Variants in GLUL observed in about 807,000 individuals in gnomAD.
GLUL encodes glutamine synthetase.
In GLUL, 8 loss-of-function variants were observed where a neutral mutation model predicts 36.9. The observed-to-expected ratio is 0.22, with a 90% CI of 0.13 to 0.39. The LOEUF (loss-of-function observed/expected upper bound fraction) is 0.39. Among genes scored for constraint, GLUL ranks in the 10% least tolerant of loss-of-function variants. The probability of loss-of-function intolerance (pLI) is 1.00; values close to 1 mark genes in which losing one functional copy is unlikely to be tolerated. For synonymous variants in GLUL, 182 were observed against 172.8 expected (o/e 1.05, Z -0.42); for missense variants, 315 against 501.8 (o/e 0.63, Z 3.56).
intron 5 of GLUL, 78 bp from the exon 6 acceptor site, chr1:182,385,634 C>T (rs1571405944): frequency 1.3e-6 from 2 of 1,548,214 alleles, no homozygotes; most frequent in Non-Finnish European, 1.8e-6. Context: ...CTGTTCTCTT[C>T]TCACCTGTAC....
At position 182,382,435 on chromosome 1, in the gene GLUL, G is replaced by C. The variant is rs1234502320; in HGVS notation, c.*1970C>G. 6.6e-6 allele frequency: 1 copy of C among 152,190 alleles called. No individual in the cohort carries two copies. Among genetic ancestry groups the C allele is most frequent in the African/African-American group, 2.4e-5 (1 of 41,430 alleles). The allele number at this position is 152,190 out of a possible 1,614,324, so 9.4% of individuals were successfully genotyped here. A position where few individuals can be genotyped will look rare whatever the true frequency, so the allele number is the denominator to read the frequency against. On this transcript the variant is annotated 3_prime_UTR_variant, in exon 7 of 7. Transcript: ENST00000331872. Reference sequence around the variant, plus strand: ...ACACCCAAGGATGAGCCCATGCCTAGGGCATAGCCAGCCTTGGAAGGCTTC... The same window carrying C: ...ACACCCAAGGATGAGCCCATGCCTACGGCATAGCCAGCCTTGGAAGGCTTC...
intron 1 of GLUL, chr1:182,391,027 C>A (rs1482088925): frequency 1.3e-5 from 5 of 397,118 alleles, no homozygotes; most frequent in Non-Finnish European, 1.8e-5. Context: ...GGTGGGGGCG[C>A]AGGCCGTAGG....
In GLUL at chr1:182,386,237, C is replaced by T. The variant is rs1268589714; in HGVS notation, c.475+19G>A. 6.2e-7 allele frequency: 1 copy of T among 1,610,512 alleles called. No homozygotes were observed. The highest frequency in any genetic ancestry group is 1.1e-5 in the South Asian group (1 of 90,996). The stretch of plus-strand genomic sequence containing the variant: ...TTAGACACTTCTGGGAATTTCACCT[C>T]TAACCCAAGGAGACTTACCCTGGGG... On this transcript the variant is annotated intron_variant, in intron 4 of 6. Transcript: ENST00000331872.
In GLUL at chr1:182,385,841, G is replaced by T. The variant is rs1650155480; in HGVS notation, c.522C>A (p.Asp174Glu). ...AGGCCCGGTAATGGGCCTCCACGAT[G>T]TCCCTGCCATAGGCTCTGTCTGCTC... Reference protein sequence around the residue: ...GVGADRAYGRDIVEAHYRACL... With the variant: ...GVGADRAYGREIVEAHYRACL... Residue 174 changes from aspartate to glutamate, a missense_variant, in exon 5 of 7, where the codon GAC becomes GAA. Physicochemically the swap from Asp to Glu is conservative, Grantham distance 45. Coordinates refer to ENST00000331872, the MANE Select transcript of GLUL (RefSeq NM_001033044.4). 2 of 1,613,662 alleles carry T rather than the reference G, an allele frequency of 1.2e-6. No individual in the cohort carries two copies. Among genetic ancestry groups the T allele is most frequent in the East Asian group, 4.5e-5 (2 of 44,866 alleles).
chr1:182,387,110 C>T (rs373022393), intron 3 of GLUL, 21 bp downstream of exon 3: 5 of 1,584,282 alleles, frequency 3.2e-6, no homozygotes, highest in Non-Finnish European at 4.3e-6. Flanking sequence ...GAGGGGTATC[C>T]ATAGCTGTGC....
rs1650138651 is a variant in GLUL, at chr1:182,385,537, G to A, written c.623C>T (p.Pro208Leu). The A allele has an allele frequency of 6.2e-7, 1 of 1,613,922 alleles. No homozygotes were observed. Among genetic ancestry groups the A allele is most frequent in the Non-Finnish European group, 8.5e-7 (1 of 1,179,904 alleles). ...MPAQWEFQIG[P>L]CEGISMGDHL... is the part of the protein sequence containing the mutation. ...ATCTCCCATGCTGATTCCTTCACAA[G>A]GTCCAATCTGAAATTCCCACTAGAA... The change falls in exon 6 of 7, where the codon CCT (proline) becomes CTT (leucine). Residue 208 changes from proline (P) to leucine (L), a missense_variant. Physicochemically the swap from Pro to Leu is moderately conservative, Grantham distance 98. Coordinates refer to ENST00000331872, the MANE Select transcript of GLUL (RefSeq NM_001033044.4).
At chr1:182,385,943 G>A (rs926473427) in intron 4 of GLUL, 56 bp from the exon 5 acceptor site, 23 of 1,569,124 alleles carry the variant, frequency 1.5e-5, no homozygotes, top group Non-Finnish European at 1.8e-5. Context: ...GAATCCCAAA[G>A]TCAGAGATCA....
rs1212547835 is a variant in GLUL, at chr1:182,384,188, G to A, written c.*217C>T. The A allele has an allele frequency of 5.4e-6, 3 of 556,574 alleles. No homozygotes were observed. Among genetic ancestry groups the A allele is most frequent in the Non-Finnish European group, 6.4e-6 (2 of 311,318 alleles). 34.5% of individuals were successfully genotyped at this position (556,574 alleles called of 1,614,324 possible). On this transcript the variant is annotated 3_prime_UTR_variant, in exon 7 of 7. Transcript: ENST00000331872. Reference sequence around the variant, plus strand: ...CACTAATGCACTAAAAAGCTTCAGTGATAGGGAAAAAAAGGAGGGTAGGTG... The same window carrying A: ...CACTAATGCACTAAAAAGCTTCAGTAATAGGGAAAAAAAGGAGGGTAGGTG...
chr1:182,385,644 C>T (rs1315030512), intron 5 of GLUL, 88 bp from the exon 6 acceptor site: 13 of 1,555,452 alleles, frequency 8.4e-6, no homozygotes, highest in South Asian at 1.1e-5. Context: ...CTCACCTGTA[C>T]TCCAACCCGT....
Position 182,380,435 on chromosome 1 carries a change from T to G in GLUL, c.*3970A>C, listed in dbSNP as rs1037322866. Among the ~76,000 whole-genome samples, 8 of 152,100 alleles carry G rather than the reference T, an allele frequency of 5.3e-5. No individual in the cohort carries two copies. The highest frequency in any genetic ancestry group is 3.2e-3 in the Middle Eastern group (1 of 316). ...TCATCCTCCCATCTCAGCCTCCTGATAGCTGAGACTACAGGCGTGCAATTT... is the reference window on the plus strand; with the variant it reads ...TCATCCTCCCATCTCAGCCTCCTGAGAGCTGAGACTACAGGCGTGCAATTT... On this transcript the variant is annotated 3_prime_UTR_variant, in exon 7 of 7. Coordinates refer to ENST00000331872, the MANE Select transcript of GLUL (RefSeq NM_001033044.4).
Position 182,382,497 on chromosome 1 carries a change from T to C in GLUL, c.*1908A>G, listed in dbSNP as rs371031309. On this transcript the variant is annotated 3_prime_UTR_variant, in exon 7 of 7. Transcript: ENST00000331872. ...CAGGGTAGCTAATATTTGTTTCTTA[T>C]CACTGAGAGCAGAGAATAGAAATCG... 1.3e-5 allele frequency: 1 copy of C among 75,460 alleles called. No individual in the cohort carries two copies. Among genetic ancestry groups the C allele is most frequent in the Non-Finnish European group, 2.7e-5 (1 of 37,246 alleles). 4.7% of individuals were successfully genotyped at this position (75,460 alleles called of 1,614,324 possible). A position where few individuals can be genotyped will look rare whatever the true frequency, so the allele number is the denominator to read the frequency against.
Position 182,388,729 on chromosome 1 carries a change from G to A in GLUL, c.9C>T (p.Thr3=). 1 of 1,613,644 alleles carries A rather than the reference G, an allele frequency of 6.2e-7. No individual in the cohort carries two copies. Among genetic ancestry groups the A allele is most frequent in the Non-Finnish European group, 8.5e-7 (1 of 1,179,548 alleles). The change falls in exon 2 of 7, where the codon ACC becomes ACT. Residue 3 remains threonine (T), a synonymous_variant. Coordinates refer to ENST00000331872, the MANE Select transcript of GLUL (RefSeq NM_001033044.4). MT[T]SASSHLNKGI... is the part of the protein sequence containing the mutation. ...CTTTATTTAAGTGGGAACTTGCTGA[G>A]GTGGTCATGGTGGAAGGTGTTCTGG... is the stretch of plus-strand genomic sequence containing the variant.
Position 182,384,635 on chromosome 1 carries a change from G to A in GLUL, c.892C>T (p.Arg298Ter). Residue 298 changes from arginine (R) to a stop codon, truncating the protein, a stop_gained, in exon 7 of 7, where the codon CGA becomes TGA. Transcript: ENST00000331872. LOFTEE classifies it high-confidence loss of function. Reference sequence around the variant, plus strand: ...GTTTCATGGAATCCAGTTAGACGTCGGGCATTGTCCAGGCCTCCCTTGGGA... The same window carrying A: ...GTTTCATGGAATCCAGTTAGACGTCAGGCATTGTCCAGGCCTCCCTTGGGA... ...YDPKGGLDNA[R>*]RLTGFHETSN... 6.2e-7 allele frequency: 1 copy of A among 1,614,068 alleles called. No individual in the cohort carries two copies. Among genetic ancestry groups the A allele is most frequent in the Non-Finnish European group, 8.5e-7 (1 of 1,179,946 alleles).
At position 182,381,130 on chromosome 1, in the gene GLUL, G is replaced by A. The variant is rs188369913; in HGVS notation, c.*3275C>T. Among the ~76,000 whole-genome samples, 163 of 152,324 alleles carry A rather than the reference G, an allele frequency of 1.1e-3. No homozygotes were observed. The highest frequency in any genetic ancestry group is 3.6e-3 in the African/African-American group (149 of 41,568). ...AAAAATACAAAAATTAGCTGAGCAT[G>A]GTGGTGCACACCTGTAGTCTCAGCT... On this transcript the variant is annotated 3_prime_UTR_variant, in exon 7 of 7. Coordinates refer to ENST00000331872, the MANE Select transcript of GLUL (RefSeq NM_001033044.4).
intron 1 of GLUL, 97 bp downstream of exon 1, chr1:182,391,582 G>A (rs867472934): frequency 5.8e-5 from 12 of 208,102 alleles, no homozygotes; most frequent in Middle Eastern, 1.7e-3. Flanking sequence ...GGACTGGAGG[G>A]GCAGGCAGCC....
In GLUL at chr1:182,380,065, C is replaced by G. The variant is rs1422904505; in HGVS notation, c.*4340G>C. ...GTTTCACCATATTGGCCCGGCTGGT[C>G]TCAAACTCCCGATCTCAGGTGATCC... is the stretch of plus-strand genomic sequence containing the variant. On this transcript the variant is annotated 3_prime_UTR_variant, in exon 7 of 7. Coordinates refer to ENST00000331872, the MANE Select transcript of GLUL (RefSeq NM_001033044.4). Among the ~76,000 whole-genome samples the G allele has an allele frequency of 6.6e-6, 1 of 152,014 alleles. No homozygotes were observed. Among genetic ancestry groups the G allele is most frequent in the Non-Finnish European group, 1.5e-5 (1 of 68,016 alleles).
At position 182,379,117 on chromosome 1, in the gene GLUL, C is replaced by T. The variant is rs1341014220; in HGVS notation, c.*5288G>A. On this transcript the variant is annotated 3_prime_UTR_variant, in exon 7 of 7. Transcript: ENST00000331872. ...TTTTTTTAAATGAACGGTCGGAGAT[C>T]GAGCTAAAGGCTATAAAATGGCAGG... Among the ~76,000 whole-genome samples, 1 of 151,878 alleles carries T rather than the reference C, an allele frequency of 6.6e-6. No homozygotes were observed. Among genetic ancestry groups the T allele is most frequent in the Non-Finnish European group, 1.5e-5 (1 of 67,970 alleles).
At position 182,380,584 on chromosome 1, in the gene GLUL, C is replaced by T. The variant is rs1287609686; in HGVS notation, c.*3821G>A. Among the ~76,000 whole-genome samples, 1 of 152,260 alleles carries T rather than the reference C, an allele frequency of 6.6e-6. No homozygotes were observed. Among genetic ancestry groups the T allele is most frequent in the East Asian group, 1.9e-4 (1 of 5,204 alleles). ...GTGTTGGGATCACAGGCGTAAGCCACTTCACCTGGCCTTGATTCTTTTTAA... is the reference window on the plus strand; with the variant it reads ...GTGTTGGGATCACAGGCGTAAGCCATTTCACCTGGCCTTGATTCTTTTTAA... On this transcript the variant is annotated 3_prime_UTR_variant, in exon 7 of 7. Coordinates refer to ENST00000331872, the MANE Select transcript of GLUL (RefSeq NM_001033044.4).
intron 3 of GLUL, 66 bp from the exon 4 acceptor site, chr1:182,386,468 G>A: frequency 1.7e-6 from 2 of 1,166,700 alleles, no homozygotes; most frequent in South Asian, 1.2e-5. Context: ...TACCGATGCT[G>A]ATGGGAGAAT....
Sources: gnomAD v4.1 joint callset for allele counts (sites outside exome capture counted in the v4.1 genomes callset) on GRCh38, gnomAD v4.1.1 for gene constraint, MANE v1.5 for transcripts, NCBI Gene and HGNC (gene_info 2026-07-23, HGNC 2026-07-21) for gene names.